The following APPL2 variants were observed in gnomAD, a reference collection of about 807,000 sequenced individuals.
APPL2 encodes the protein adaptor protein, phosphotyrosine interacting with PH domain and leucine zipper 2.
A neutral mutation model predicts 92.7 loss-of-function variants in APPL2; 84 were observed. That is an observed-to-expected ratio of 0.91 (90% CI 0.76 to 1.09). The LOEUF is 1.09. APPL2 is among the 50% of genes least tolerant of loss of function. The probability of loss-of-function intolerance (pLI) is 0.00; values close to 1 mark genes in which losing one functional copy is unlikely to be tolerated. For synonymous variants in APPL2, 291 were observed against 291.0 expected, an observed-to-expected ratio of 1.00 and a Z score of 0.00; for missense variants, 736 against 824.5, an observed-to-expected ratio of 0.89 and a Z score of 1.31.
chr12:105,198,300 C>G (rs542162207), intron 10 of APPL2, among the ~76,000 whole-genome samples: 5 of 152,328 alleles, frequency 3.3e-5, no homozygotes, highest in African/African-American at 1.2e-4. Flanking sequence ...ACACCTGGAG[C>G]TGAGCTGCTC....
intron 1 of APPL2, chr12:105,233,090 C>T (rs1891038230): frequency 1.0e-6 from 1 of 985,268 alleles, no homozygotes; most frequent in East Asian, 1.1e-4. Context: ...GTACTACTTA[C>T]AGGACAAGAG....
At chr12:105,224,350 G>A (rs574108850) in intron 2 of APPL2, among the ~76,000 whole-genome samples, 1 of 152,302 alleles carries the variant, frequency 6.6e-6, no homozygotes, top group Admixed American at 6.5e-5. Context: ...AAAGGAACTG[G>A]GTCCTGCCTC....
At position 105,202,511 on chromosome 12, in the gene APPL2, G is replaced by A. The variant is rs746940911; in HGVS notation, c.704+1192C>T. On this transcript the variant is annotated intron_variant, in intron 9 of 20. Transcript: ENST00000258530. ...GGTTCTTCCAGAAACACAGAAGTGC[G>A]AGGAATTCTGAGAGTTAAAGCAGGA... 6.6e-5 allele frequency among the ~76,000 whole-genome samples: 10 copies of A among 152,200 alleles called. No individual in the cohort carries two copies. In the South Asian group the frequency reaches 1.2e-3, roughly 19 times the overall value.
At chr12:105,214,005 G>A (rs1889435847) in intron 4 of APPL2, among the ~76,000 whole-genome samples, 1 of 151,942 alleles carries the variant, frequency 6.6e-6, no homozygotes, top group Non-Finnish European at 1.5e-5. Flanking sequence ...GACCAACATG[G>A]AGAAACCCCG....
At chr12:105,196,166 C>T (rs972237177) in intron 11 of APPL2, among the ~76,000 whole-genome samples, 1 of 152,124 alleles carries the variant, frequency 6.6e-6, no homozygotes, top group East Asian at 1.9e-4. Flanking sequence ...TGGGCCTCAG[C>T]ATGTTCATCT....
At chr12:105,174,843 C>T (rs1357011245) in intron 20 of APPL2, among the ~76,000 whole-genome samples, 1 of 141,270 alleles carries the variant, frequency 7.1e-6, no homozygotes, top group East Asian at 2.2e-4. Context: ...CATTTATTTA[C>T]ATACTGTCCA....
intron 17 of APPL2, 118 bp downstream of exon 17, chr12:105,188,155 G>A: frequency 8.6e-7 from 1 of 1,161,124 alleles, no homozygotes. Flanking sequence ...AAAAGTAGTG[G>A]GGGCAAAAGC....
intron 17 of APPL2, among the ~76,000 whole-genome samples, chr12:105,187,169 T>C (rs141012533): frequency 5.9e-5 from 9 of 152,318 alleles, no homozygotes; most frequent in African/African-American, 2.2e-4. Flanking sequence ...GTCCAGGACA[T>C]AGTGAAAGAA....
chr12:105,174,499 TTAAACCC>T (rs1230563109), intron 20 of APPL2, 51 bp from the exon 21 acceptor site: 2 of 1,576,196 alleles, frequency 1.3e-6, no homozygotes, highest in Non-Finnish European at 1.7e-6. Context: ...TAAGATGCAT[TTAAACCC>T]CTTTGGCCTG....
At chr12:105,185,478 C>T (rs946943879) in intron 17 of APPL2, among the ~76,000 whole-genome samples, 2 of 152,172 alleles carry the variant, frequency 1.3e-5, no homozygotes, top group South Asian at 2.1e-4. Context: ...CCCTCACTCA[C>T]GGCTTCCCTT....
chr12:105,211,384 A>G (rs1395151140), intron 4 of APPL2, 67 bp from the exon 5 acceptor site: 2 of 1,217,524 alleles, frequency 1.6e-6, no homozygotes, highest in Non-Finnish European at 2.4e-6. Flanking sequence ...GTCTCATTTC[A>G]CCAAGGAATC....
chr12:105,208,078 G>C (rs1404644589), intron 6 of APPL2, 49 bp from the exon 7 acceptor site: 1 of 1,613,688 alleles, frequency 6.2e-7, no homozygotes. Context: ...GGGTCGAAAG[G>C]GAAGAACATT....
intron 2 of APPL2, among the ~76,000 whole-genome samples, chr12:105,224,613 T>C (rs1315034968): frequency 6.6e-6 from 1 of 152,266 alleles, no homozygotes; most frequent in Non-Finnish European, 1.5e-5. Context: ...CTTCCTCATC[T>C]GTAAGCACAT....
Position 105,236,005 on chromosome 12 carries a change from G to A in APPL2, c.8C>T (p.Ala3Val). 8.0e-7 allele frequency: 1 copy of A among 1,251,144 alleles called. No homozygotes were observed. The highest frequency in any genetic ancestry group is 3.2e-5 in the East Asian group (1 of 31,442). The allele number at this position is 1,251,144 out of a possible 1,614,324, so 77.5% of individuals were successfully genotyped here. A position where few individuals can be genotyped will look rare whatever the true frequency, so the allele number is the denominator to read the frequency against. Residue 3 changes from alanine (A) to valine (V), a missense_variant, in exon 1 of 21, where the codon GCC (alanine) becomes GTC (valine). Transcript: ENST00000258530. MP[A>V]VDKLLLEEAL... ...CTCCTCTAGCAGGAGCTTGTCCACG[G>A]CGGGCATGGTGCGGCGCGGCTCAGC... is the stretch of plus-strand genomic sequence containing the variant.
intron 4 of APPL2, among the ~76,000 whole-genome samples, chr12:105,214,803 C>G (rs935640098): frequency 2.0e-5 from 3 of 152,206 alleles, no homozygotes; most frequent in Non-Finnish European, 4.4e-5. Context: ...CACCAAACCA[C>G]GATTATGAGC....
At position 105,236,125 on chromosome 12, in the gene APPL2, C is replaced by G. The variant is rs1049153197; in HGVS notation, c.-113G>C. On this transcript the variant is annotated 5_prime_UTR_variant, in exon 1 of 21. Transcript: ENST00000258530. ...AGGCGACGCGGCGGCCACTCCGTGC[C>G]CGCGGCGGCCCCGCGCGCGTCCACG... 2.8e-6 allele frequency: 2 copies of G among 721,212 alleles called. No individual in the cohort carries two copies. Among genetic ancestry groups the G allele is most frequent in the African/African-American group, 2.0e-5 (1 of 50,804 alleles). The allele number at this position is 721,212 out of a possible 1,614,324, so 44.7% of individuals were successfully genotyped here. A position where few individuals can be genotyped will look rare whatever the true frequency, so the allele number is the denominator to read the frequency against.
intron 11 of APPL2, among the ~76,000 whole-genome samples, chr12:105,196,509 C>T (rs750768431): frequency 5.2e-4 from 73 of 139,492 alleles, no homozygotes; most frequent in Admixed American, 2.3e-3. Context: ...GATCTCGGCT[C>T]ACCACAACCT....
In APPL2 at chr12:105,177,234, T is replaced by C. The variant is rs374248068; in HGVS notation, c.1663A>G (p.Arg555Gly). The change falls in exon 18 of 21, where the codon AGG becomes GGG. Residue 555 changes from arginine (R) to glycine (G), a missense_variant. By Grantham distance (125) the Arg-to-Gly change is moderately radical. Coordinates refer to ENST00000258530, the MANE Select transcript of APPL2 (RefSeq NM_018171.5). ...CTGTATGCGGTACTTACATTGGCCC[T>C]TGATACTTGAGTCTGTGGATCTATC... is the stretch of plus-strand genomic sequence containing the variant. ...RLIDPQTQVS[R>G]ANFELTSVTQ... 4 of 1,613,900 alleles carry C rather than the reference T, an allele frequency of 2.5e-6. No individual in the cohort carries two copies. Among genetic ancestry groups the C allele is most frequent in the Admixed American group, 1.7e-5 (1 of 60,008 alleles).
chr12:105,212,373 G>A (rs995851449), intron 4 of APPL2, among the ~76,000 whole-genome samples: 1 of 152,114 alleles, frequency 6.6e-6, no homozygotes, highest in African/African-American at 2.4e-5. Context: ...TTGCATGCCA[G>A]CTTTATACGC....
Sources: allele counts gnomAD v4.1 joint callset (sites outside exome capture counted in the v4.1 genomes callset), GRCh38; gene constraint gnomAD v4.1.1; transcripts MANE v1.5; gene names NCBI Gene and HGNC (gene_info 2026-07-23, HGNC 2026-07-21).